ADGRL2: variants seen among roughly 807,000 people sequenced by gnomAD.
The protein encoded by ADGRL2 is adhesion G protein-coupled receptor L2, also known as calcium-independent alpha-latrotoxin receptor 2.
Under a neutral mutation model 157.4 loss-of-function variants are expected in ADGRL2, and 44 were observed. That is an observed-to-expected ratio of 0.28 (90% CI 0.22 to 0.36). The LOEUF (loss-of-function observed/expected upper bound fraction) is 0.36, where lower values mean the gene tolerates loss of function less well. Ranked by LOEUF, ADGRL2 falls within the 10% of genes least tolerant of loss-of-function variation. The pLI is 1.00. For synonymous variants in ADGRL2, 585 were observed against 624.7 expected, an observed-to-expected ratio of 0.94 and a Z score of 0.95; for missense variants, 1,510 against 1,768.9, an observed-to-expected ratio of 0.85 and a Z score of 2.63.
intron 3 of ADGRL2, among the ~76,000 whole-genome samples, chr1:81,911,755 T>C (rs1300898078): frequency 6.6e-6 from 1 of 152,172 alleles, no homozygotes; most frequent in Non-Finnish European, 1.5e-5. Context: ...TGTACCTTTG[T>C]AAATACAAAG....
intron 2 of ADGRL2, among the ~76,000 whole-genome samples, chr1:81,775,102 C>A (rs146568176): frequency 1.3e-5 from 2 of 152,106 alleles, no homozygotes; most frequent in African/African-American, 4.8e-5. Flanking sequence ...AAGTAAAAGA[C>A]AACATACAGT....
At chr1:81,370,261 T>C (rs1016962653) in intron 1 of ADGRL2, among the ~76,000 whole-genome samples, 8 of 152,210 alleles carry the variant, frequency 5.3e-5, no homozygotes, top group African/African-American at 7.2e-5. Context: ...TAGTAGAAAC[T>C]GAACTTTGGC....
At chr1:81,377,738 T>C (rs2076274383) in intron 1 of ADGRL2, among the ~76,000 whole-genome samples, 1 of 152,178 alleles carries the variant, frequency 6.6e-6, no homozygotes, top group South Asian at 2.1e-4. Context: ...CTTAAAAATG[T>C]TTTTAAAGTG....
At chr1:81,353,659 T>G (rs889072669) in intron 1 of ADGRL2, among the ~76,000 whole-genome samples, 2 of 152,188 alleles carry the variant, frequency 1.3e-5, no homozygotes, top group Non-Finnish European at 2.9e-5. Flanking sequence ...CTAGACTGAT[T>G]CCAAGGTTGG....
chr1:81,931,506 A>C (rs1332638207), intron 3 of ADGRL2, among the ~76,000 whole-genome samples: 3 of 152,178 alleles, frequency 2.0e-5, no homozygotes, highest in Non-Finnish European at 1.5e-5. Context: ...AATAATGATT[A>C]AATCTTTGTC....
chr1:81,586,456 C>T (rs2081028544), intron 3 of ADGRL2: 1 of 151,920 alleles, frequency 6.6e-6, no homozygotes, highest in Non-Finnish European at 1.5e-5. Flanking sequence ...ATTGTGTTTG[C>T]TATAATGCAG....
intron 2 of ADGRL2, among the ~76,000 whole-genome samples, chr1:81,509,522 C>T (rs1243750931): frequency 7.9e-5 from 12 of 152,120 alleles, no homozygotes; most frequent in African/African-American, 1.7e-4. Flanking sequence ...ACACACCGTT[C>T]GTACGAATTT....
At chr1:81,937,368 A>G (rs895083169) in intron 4 of ADGRL2, among the ~76,000 whole-genome samples, 1 of 150,050 alleles carries the variant, frequency 6.7e-6, no homozygotes, top group Non-Finnish European at 1.5e-5. Context: ...TAAAATAGAT[A>G]TAATATAACC....
At chr1:81,356,971 A>AAAAAAAAAAAAAAAAAAAGAAG (rs80327519) in intron 1 of ADGRL2, among the ~76,000 whole-genome samples, 9 of 99,308 alleles carry the variant, frequency 9.1e-5, no homozygotes, top group Admixed American at 1.3e-4. Context: ...AAAAAAAAAA[A>AAAAAAAAAAAAAAAAAAAGAAG]AAGAAGTTGT....
In ADGRL2 at chr1:81,560,469, G is replaced by A. The variant is rs144770859; in HGVS notation, c.-247-20407G>A. The stretch of plus-strand genomic sequence containing the variant: ...CTGTTCAATAGCGGCCTAGAGCATC[G>A]TATTCCACAGTCAGCGTCCAATAGG... On this transcript the variant is annotated intron_variant, in intron 2 of 24. Transcript: ENST00000370721. Among the ~76,000 whole-genome samples, 438 of 152,194 alleles carry A rather than the reference G, an allele frequency of 2.9e-3. 3 individuals carry two copies. Among genetic ancestry groups the A allele is most frequent in the African/African-American group, 9.8e-3 (405 of 41,508 alleles).
At chr1:81,394,710 TG>T (rs1418320569) in intron 1 of ADGRL2, among the ~76,000 whole-genome samples, 1 of 152,130 alleles carries the variant, frequency 6.6e-6, no homozygotes. Flanking sequence ...TGATTTCCTT[TG>T]TTTGGATATA....
chr1:81,722,294 A>G, intron 1 of ADGRL2: 1 of 536,558 alleles, frequency 1.9e-6, no homozygotes, highest in East Asian at 3.6e-5. Context: ...CTCCGTCTAA[A>G]AAAAAAAGAA....
chr1:81,706,714 A>T (rs2149056604), intron 1 of ADGRL2, among the ~76,000 whole-genome samples: 1 of 152,290 alleles, frequency 6.6e-6, no homozygotes, highest in Middle Eastern at 3.4e-3. Flanking sequence ...TAAAAAGAAA[A>T]CTGAGAATGT....
chr1:81,767,264 T>C (rs1439333276), intron 2 of ADGRL2, among the ~76,000 whole-genome samples: 3 of 152,162 alleles, frequency 2.0e-5, no homozygotes, highest in East Asian at 1.9e-4. Context: ...TGCCTTCAGT[T>C]TTTTGTTTTT....
At chr1:81,695,823 A>C (rs1217810166), upstream of ADGRL2, among the ~76,000 whole-genome samples, 1 of 105,060 alleles carries the variant, frequency 9.5e-6, no homozygotes, top group Non-Finnish European at 2.3e-5. Context: ...ACTCTGTTTC[A>C]AAAAAAAAAA....
At chr1:81,452,928 G>A (rs990012702) in intron 2 of ADGRL2, among the ~76,000 whole-genome samples, 1 of 152,072 alleles carries the variant, frequency 6.6e-6, no homozygotes, top group Non-Finnish European at 1.5e-5. Flanking sequence ...ATCAAGACAC[G>A]GCAATATTTT....
chr1:81,922,220 G>T (rs1171426258), intron 3 of ADGRL2, among the ~76,000 whole-genome samples: 1 of 152,086 alleles, frequency 6.6e-6, no homozygotes. Flanking sequence ...GTATGCTCGG[G>T]ATACTGAGGA....
chr1:81,545,552 T>G (rs1297040230), intron 2 of ADGRL2, among the ~76,000 whole-genome samples: 3 of 152,124 alleles, frequency 2.0e-5, no homozygotes, highest in African/African-American at 7.2e-5. Context: ...AGTGCTGGGG[T>G]TACAGGCTTG....
chr1:81,400,286 G>A (rs2076729148), intron 1 of ADGRL2, among the ~76,000 whole-genome samples: 1 of 152,008 alleles, frequency 6.6e-6, no homozygotes, highest in Admixed American at 6.6e-5. Context: ...CATCTTTGGG[G>A]CCCGTGTCAA....
Sources: allele counts gnomAD v4.1 joint callset (sites outside exome capture counted in the v4.1 genomes callset), GRCh38; gene constraint gnomAD v4.1.1; transcripts MANE v1.5; gene names NCBI Gene and HGNC (gene_info 2026-07-23, HGNC 2026-07-21).